The following DRGX variants were observed in gnomAD, a reference collection of about 807,000 sequenced individuals.
The protein encoded by DRGX is dorsal root ganglia homeobox, also known as dorsal root ganglia homeobox protein.
In DRGX, 21 loss-of-function variants were observed where a neutral mutation model predicts 28.6. The ratio of observed to expected loss-of-function variants is 0.73; its 90% CI spans 0.52 to 1.06. DRGX has a LOEUF of 1.06. Ranked by LOEUF, DRGX falls within the 50% of genes least tolerant of loss-of-function variation. The pLI is 0.00. For missense variants in DRGX, 354 were observed against 343.9 expected (o/e 1.03, Z -0.23); for synonymous variants, 136 against 139.1 (o/e 0.98, Z 0.16).
At chr10:49,370,770 A>G (rs552789447) in intron 6 of DRGX, among the ~76,000 whole-genome samples, 2 of 152,388 alleles carry the variant, frequency 1.3e-5, no homozygotes, top group East Asian at 3.9e-4. Context: ...AACAAGGAAA[A>G]GTATAAAGTC....
chr10:49,375,633 C>T (rs1849708543), intron 6 of DRGX, among the ~76,000 whole-genome samples: 2 of 151,822 alleles, frequency 1.3e-5, no homozygotes, highest in South Asian at 4.1e-4. Context: ...TCAGCAAACA[C>T]TCATTGATGG....
intron 6 of DRGX, among the ~76,000 whole-genome samples, chr10:49,378,882 T>TATA (rs1318111843): frequency 6.6e-6 from 1 of 151,398 alleles, no homozygotes; most frequent in Non-Finnish European, 1.5e-5. Context: ...TGCATGTGTG[T>TATA]ATATATATGC....
chr10:49,375,763 GC>G (rs1849709898), intron 6 of DRGX, among the ~76,000 whole-genome samples: 1 of 152,030 alleles, frequency 6.6e-6, no homozygotes, highest in African/African-American at 2.4e-5. Flanking sequence ...AATGACAGTT[GC>G]CCCCAGATCC....
intron 6 of DRGX, among the ~76,000 whole-genome samples, chr10:49,375,170 G>C (rs939466288): frequency 3.8e-4 from 58 of 152,152 alleles, no homozygotes; most frequent in African/African-American, 1.4e-3. Context: ...AACTCCTGAA[G>C]TACTTTCTCC....
At chr10:49,381,369 T>C (rs1849774307) in intron 6 of DRGX, among the ~76,000 whole-genome samples, 1 of 152,216 alleles carries the variant, frequency 6.6e-6, no homozygotes, top group Non-Finnish European at 1.5e-5. Context: ...CAAAAACGGC[T>C]GCCATCTCCC....
In DRGX at chr10:49,386,460, A is replaced by G. The variant is rs2132482518; in HGVS notation, c.526+18T>C. 1.3e-6 allele frequency: 2 copies of G among 1,526,618 alleles called. No homozygotes were observed. Among genetic ancestry groups the G allele is most frequent in the South Asian group, 1.3e-5 (1 of 79,394 alleles). 94.6% of individuals were successfully genotyped at this position (1,526,618 alleles called of 1,614,324 possible). On this transcript the variant is annotated intron_variant, in intron 6 of 6. Transcript: ENST00000374139. ...CCCATGAGGCCACGCCCACCAGCCCAGCCGAACCCAAACTCACCTTTGAGG... is the reference window on the plus strand; with the variant it reads ...CCCATGAGGCCACGCCCACCAGCCCGGCCGAACCCAAACTCACCTTTGAGG...
intron 6 of DRGX, among the ~76,000 whole-genome samples, chr10:49,373,400 T>G (rs917080168): frequency 4.6e-5 from 7 of 152,204 alleles, no homozygotes; most frequent in African/African-American, 1.7e-4. Flanking sequence ...GGAATATATA[T>G]GCGTGTGTAT....
chr10:49,389,997 T>C (rs938243868), intron 4 of DRGX, 136 bp downstream of exon 4: 14 of 730,568 alleles, frequency 1.9e-5, no homozygotes, highest in African/African-American at 3.6e-5. Flanking sequence ...GTTGATGTTA[T>C]TAAAGTGCAT....
At chr10:49,393,693 T>G (rs1564710649) in intron 2 of DRGX, among the ~76,000 whole-genome samples, 1 of 152,238 alleles carries the variant, frequency 6.6e-6, no homozygotes, top group South Asian at 2.1e-4. Flanking sequence ...CTAAACTAAA[T>G]TACTCCTTTC....
intron 6 of DRGX, among the ~76,000 whole-genome samples, chr10:49,370,679 G>C (rs1849649897): frequency 6.6e-6 from 1 of 152,222 alleles, no homozygotes; most frequent in Non-Finnish European, 1.5e-5. Context: ...CCAAGACAGA[G>C]GTATGGAAAA....
chr10:49,392,254 C>A (rs1417236402), intron 2 of DRGX, among the ~76,000 whole-genome samples: 4 of 152,372 alleles, frequency 2.6e-5, no homozygotes, highest in East Asian at 3.9e-4. Context: ...CTGTCCCAGA[C>A]AAGGACCCTC....
intron 6 of DRGX, among the ~76,000 whole-genome samples, chr10:49,371,716 C>T (rs994731758): frequency 3.5e-5 from 5 of 141,850 alleles, no homozygotes; most frequent in East Asian, 4.5e-4. Flanking sequence ...CGCTTGAACC[C>T]GGGAGGTGGA....
At chr10:49,385,787 C>A (rs890705604) in intron 6 of DRGX, among the ~76,000 whole-genome samples, 9 of 152,122 alleles carry the variant, frequency 5.9e-5, no homozygotes, top group Non-Finnish European at 8.8e-5. Flanking sequence ...CTCACTCCCC[C>A]AGACGCACGC....
rs559263196 is a variant in DRGX, at chr10:49,394,437, A to G, written c.34+970T>C. On this transcript the variant is annotated intron_variant, in intron 2 of 6. Transcript: ENST00000374139. ...ACTTGGCTTCCCAAATTCTCCCACC[A>G]CAATAATAAATCAAACGAGTAGGTT... Among the ~76,000 whole-genome samples, 9 of 152,220 alleles carry G rather than the reference A, an allele frequency of 5.9e-5. No individual in the cohort carries two copies. In the East Asian group the frequency reaches 1.5e-3, roughly 26 times the overall value.
At chr10:49,377,907 T>A (rs1358894194) in intron 6 of DRGX, among the ~76,000 whole-genome samples, 1 of 152,070 alleles carries the variant, frequency 6.6e-6, no homozygotes, top group Non-Finnish European at 1.5e-5. Context: ...ATGGAGATTA[T>A]AAGAAAAAAA....
chr10:49,387,218 G>C (rs1033997642), intron 4 of DRGX, among the ~76,000 whole-genome samples: 7 of 152,150 alleles, frequency 4.6e-5, no homozygotes, highest in Non-Finnish European at 8.8e-5. Flanking sequence ...AACCTGACCC[G>C]GGGCTTCCTC....
intron 4 of DRGX, 99 bp downstream of exon 4, chr10:49,390,034 T>C (rs1564709662): frequency 3.7e-6 from 4 of 1,088,514 alleles, no homozygotes; most frequent in Non-Finnish European, 5.2e-6. Context: ...AGTCTTCATT[T>C]GCTTTCTTTG....
intron 6 of DRGX, among the ~76,000 whole-genome samples, chr10:49,380,152 C>T (rs1282956536): frequency 5.3e-5 from 8 of 152,238 alleles, no homozygotes; most frequent in Admixed American, 6.5e-5. Flanking sequence ...GGCTGTCCTG[C>T]CCAGTGCAGG....
intron 6 of DRGX, among the ~76,000 whole-genome samples, chr10:49,377,531 C>G (rs946246969): frequency 6.6e-6 from 1 of 152,228 alleles, no homozygotes; most frequent in Non-Finnish European, 1.5e-5. Flanking sequence ...ACACTGTACC[C>G]ATTCTGGGTG....
Sources: allele counts gnomAD v4.1 joint callset (sites outside exome capture counted in the v4.1 genomes callset), GRCh38; gene constraint gnomAD v4.1.1; transcripts MANE v1.5; gene names NCBI Gene and HGNC (gene_info 2026-07-23, HGNC 2026-07-21).